The following SNRK variants were observed in gnomAD, a reference collection of about 807,000 sequenced individuals.
The protein encoded by SNRK is SNF-related serine/threonine-protein kinase.
SNRK carries 3 observed loss-of-function variants against 48.2 expected under a neutral mutation model. That is an observed-to-expected ratio of 0.06 (90% CI 0.03 to 0.16). The LOEUF is 0.16. SNRK is among the 10% of genes least tolerant of loss of function. The probability of loss-of-function intolerance (pLI) is 1.00; values close to 1 mark genes in which losing one functional copy is unlikely to be tolerated. For missense variants in SNRK, 627 were observed against 976.0 expected (o/e 0.64, Z 4.76); for synonymous variants, 376 against 366.1 (o/e 1.03, Z -0.31).
At position 43,304,570 on chromosome 3, in the gene SNRK, T is replaced by G. The variant is rs2090922684; in HGVS notation, c.589+778T>G. On this transcript the variant is annotated intron_variant, in intron 3 of 6. Transcript: ENST00000296088. ...CAACTTTGTCTCCTTGGGATTGTAT[T>G]TGTTTTGAAGATCATGTAGGAATTT... Among the ~76,000 whole-genome samples the G allele has an allele frequency of 4.6e-5, 7 of 152,292 alleles. No homozygotes were observed. In the South Asian group the frequency reaches 1.4e-3, roughly 32 times the overall value.
At chr3:43,296,415 CATAT>C (rs371078181) in intron 1 of SNRK, among the ~76,000 whole-genome samples, 6 of 127,242 alleles carry the variant, frequency 4.7e-5, no homozygotes, top group South Asian at 2.5e-4. Context: ...GATATACTGG[CATAT>C]ATATATATAT....
At chr3:43,296,238 G>T (rs2090851832) in intron 1 of SNRK, among the ~76,000 whole-genome samples, 1 of 151,670 alleles carries the variant, frequency 6.6e-6, no homozygotes, top group South Asian at 2.1e-4. Context: ...ACTTAAGTTG[G>T]TTTTTCTATA....
At chr3:43,300,761 T>TA (rs2090892357) in intron 2 of SNRK, among the ~76,000 whole-genome samples, 1 of 152,220 alleles carries the variant, frequency 6.6e-6, no homozygotes, top group African/African-American at 2.4e-5. Context: ...ACAGGGATAA[T>TA]ATACATATGG....
chr3:43,342,919 T>TA (rs570074679), intron 5 of SNRK, among the ~76,000 whole-genome samples: 93 of 152,378 alleles, frequency 6.1e-4, no homozygotes, highest in African/African-American at 2.2e-3. Context: ...TTCTGACTGA[T>TA]ATTAGTACTT....
intron 3 of SNRK, among the ~76,000 whole-genome samples, chr3:43,306,803 T>C (rs926806830): frequency 2.0e-5 from 3 of 152,194 alleles, no homozygotes; most frequent in African/African-American, 7.2e-5. Context: ...TGAAAAGTTA[T>C]TTAGAAAGGT....
chr3:43,341,270 C>A (rs2091234452), intron 5 of SNRK, among the ~76,000 whole-genome samples: 1 of 152,126 alleles, frequency 6.6e-6, no homozygotes, highest in African/African-American at 2.4e-5. Context: ...CCTGCCTCAG[C>A]CTCCCAAGTA....
intron 1 of SNRK, among the ~76,000 whole-genome samples, chr3:43,293,186 A>G (rs2090826674): frequency 6.6e-6 from 1 of 151,738 alleles, no homozygotes; most frequent in Admixed American, 6.6e-5. Flanking sequence ...TCACTACAGC[A>G]TGGATTCTTG....
At chr3:43,310,272 A>G (rs2090970208) in intron 3 of SNRK, among the ~76,000 whole-genome samples, 1 of 151,398 alleles carries the variant, frequency 6.6e-6, no homozygotes, top group Non-Finnish European at 1.5e-5. Flanking sequence ...CTTTACCCAT[A>G]TTTTGTTAAA....
intron 3 of SNRK, among the ~76,000 whole-genome samples, chr3:43,313,523 G>A (rs922878903): frequency 1.3e-5 from 2 of 152,154 alleles, no homozygotes; most frequent in Admixed American, 6.5e-5. Flanking sequence ...ACAGATTGGT[G>A]GCTGCCAGGA....
At chr3:43,308,264 C>G (rs572962125) in intron 3 of SNRK, among the ~76,000 whole-genome samples, 22 of 152,278 alleles carry the variant, frequency 1.4e-4, no homozygotes, top group African/African-American at 4.6e-4. Flanking sequence ...GCAAGTTAGC[C>G]AGAAGATCTA....
rs372572437 is a variant in SNRK, at chr3:43,323,887, C to G, written c.590-8282C>G. On this transcript the variant is annotated intron_variant, in intron 3 of 6. Transcript: ENST00000296088. ...TGACTCCATTTCTAGGCAAAACTTG[C>G]AAGGACACACAATAGCTGTGGTTGT... Among the ~76,000 whole-genome samples, 14 of 152,200 alleles carry G rather than the reference C, an allele frequency of 9.2e-5. No individual in the cohort carries two copies. The East Asian group carries it at 1.2e-3, about 13-fold the overall frequency.
At chr3:43,339,449 C>CG (rs1231140798) in intron 4 of SNRK, among the ~76,000 whole-genome samples, 1 of 152,144 alleles carries the variant, frequency 6.6e-6, no homozygotes, top group African/African-American at 2.4e-5. Flanking sequence ...TTCTGTTTTA[C>CG]TTCATTTTTA....
chr3:43,312,844 T>G lies in SNRK; in HGVS notation c.589+9052T>G, dbSNP rs2090988345. 1.3e-5 allele frequency among the ~76,000 whole-genome samples: 2 copies of G among 152,052 alleles called. 1 individual carries two copies. Among genetic ancestry groups the G allele is most frequent in the Non-Finnish European group, 2.9e-5 (2 of 68,000 alleles). On this transcript the variant is annotated intron_variant, in intron 3 of 6. Transcript: ENST00000296088. ...AAATTTAAAGTCATGCCAAAGAAAG[T>G]GAAATACCTAGATACACATCTAACA...
intron 5 of SNRK, among the ~76,000 whole-genome samples, chr3:43,342,110 T>G (rs1224443063): frequency 6.6e-6 from 1 of 152,226 alleles, no homozygotes; most frequent in Non-Finnish European, 1.5e-5. Flanking sequence ...CGTTCTTAGC[T>G]TAAATAAATA....
chr3:43,288,018 C>G (rs2090779626), intron 1 of SNRK, among the ~76,000 whole-genome samples: 1 of 152,034 alleles, frequency 6.6e-6, no homozygotes, highest in South Asian at 2.1e-4. Context: ...TAAAGAACAC[C>G]AAATACCAAA....
chr3:43,325,423 C>G (rs900372605), intron 3 of SNRK, among the ~76,000 whole-genome samples: 5 of 152,142 alleles, frequency 3.3e-5, no homozygotes. Flanking sequence ...CCTTGGCCTC[C>G]CAAAGTGCTG....
At chr3:43,335,900 G>T (rs1169954450) in intron 4 of SNRK, among the ~76,000 whole-genome samples, 2 of 152,158 alleles carry the variant, frequency 1.3e-5, no homozygotes, top group Non-Finnish European at 2.9e-5. Context: ...CCATTTGTGT[G>T]CTGTAGAGTT....
intron 4 of SNRK, among the ~76,000 whole-genome samples, chr3:43,338,020 G>A (rs879868001): frequency 2.0e-5 from 3 of 152,196 alleles, no homozygotes; most frequent in Admixed American, 6.5e-5. Flanking sequence ...AAAGTGCTGC[G>A]ATGACGGGTA....
rs2091318118 is a variant in SNRK at position 43,350,874 on chromosome 3, A to ATAAT, written c.*2320_*2323dup. 1 of 152,598 alleles carries ATAAT rather than the reference A, an allele frequency of 6.6e-6. No individual in the cohort carries two copies. The highest frequency in any genetic ancestry group is 2.4e-5 in the African/African-American group (1 of 41,438). The allele number at this position is 152,598 out of a possible 1,614,324, so 9.5% of individuals were successfully genotyped here. ...TTTTTCTGTATGTGTGTATATATAT[A>ATAAT]TAATTATGTACTTCTGGCAATTCTA... On this transcript the variant is annotated 3_prime_UTR_variant, in exon 7 of 7. Transcript: ENST00000296088.
Sources: allele counts gnomAD v4.1 joint callset (sites outside exome capture counted in the v4.1 genomes callset), GRCh38; gene constraint gnomAD v4.1.1; transcripts MANE v1.5; gene names NCBI Gene and HGNC (gene_info 2026-07-23, HGNC 2026-07-21).